Variants in TMEM230 observed in about 807,000 individuals in gnomAD.
TMEM230 encodes the protein UPF0414 transmembrane protein C20orf30.
In TMEM230, 10 loss-of-function variants were observed where a neutral mutation model predicts 15.8. The ratio of observed to expected loss-of-function variants is 0.63; its 90% CI spans 0.39 to 1.07. The LOEUF is 1.07. Ranked by LOEUF, TMEM230 falls within the 50% of genes least tolerant of loss-of-function variation. The pLI, the probability that TMEM230 is intolerant of heterozygous loss-of-function variation, is 0.01. For synonymous variants in TMEM230, 67 were observed against 76.9 expected (o/e 0.87, Z 0.68); for missense variants, 165 against 193.3 (o/e 0.85, Z 0.87).
intron 4 of TMEM230, among the ~76,000 whole-genome samples, chr20:5,105,382 A>G (rs2090032718): frequency 6.6e-6 from 1 of 151,872 alleles, no homozygotes; most frequent in South Asian, 2.1e-4. Context: ...TAATCCCAAC[A>G]CTTTGGGAGG....
chr20:5,105,795 T>C (rs1050297320), intron 4 of TMEM230, among the ~76,000 whole-genome samples: 1 of 151,540 alleles, frequency 6.6e-6, no homozygotes, highest in African/African-American at 2.4e-5. Flanking sequence ...TCCCAGCACT[T>C]TGGAAGGCTG....
intron 3 of TMEM230, chr20:5,109,099 C>G: frequency 2.7e-6 from 1 of 366,318 alleles, no homozygotes; most frequent in Non-Finnish European, 4.9e-6. Context: ...CTACAAGGCT[C>G]TCGCATTACA....
Position 5,100,877 on chromosome 20 carries a change from C to G in TMEM230, c.466G>C (p.Gly156Arg), listed in dbSNP as rs1401257234. 1 of 1,614,062 alleles carries G rather than the reference C, an allele frequency of 6.2e-7. No individual in the cohort carries two copies. The highest frequency in any genetic ancestry group is 8.5e-7 in the Non-Finnish European group (1 of 1,180,030). The stretch of plus-strand genomic sequence containing the variant: ...TAAGCGATGCGCAGGTGGTAAAATC[C>G]GGGTAGGAACACCAGAATGCCAATG... The change falls in exon 5 of 5, where the codon GGA (glycine) becomes CGA (arginine). Residue 156 changes from glycine to arginine, a missense_variant. Coordinates refer to ENST00000342308, the MANE Select transcript of TMEM230 (RefSeq NM_001009923.2).
chr20:5,101,267 A>G (rs1024098117), intron 4 of TMEM230, among the ~76,000 whole-genome samples: 5 of 152,224 alleles, frequency 3.3e-5, no homozygotes, highest in African/African-American at 1.2e-4. Context: ...AAGGATGTGT[A>G]ACATTCCACC....
chr20:5,074,822 T>A (rs772014412), intron 3 of TMEM230, among the ~76,000 whole-genome samples: 5 of 151,738 alleles, frequency 3.3e-5, no homozygotes, highest in Admixed American at 6.6e-5. Context: ...TTAAAAAAAA[T>A]TTTATTTTTA....
chr20:5,062,178 C>T, the TMEM230 span, among the ~76,000 whole-genome samples: 2 of 151,060 alleles, frequency 1.3e-5, no homozygotes, highest in East Asian at 3.9e-4. Flanking sequence ...GCCGAGATCG[C>T]ACCATTGCAC....
the TMEM230 span, among the ~76,000 whole-genome samples, chr20:5,062,231 GA>G: frequency 0.13 from 18,540 of 139,516 alleles, 1,387 homozygotes; most frequent in African/African-American, 0.21. Flanking sequence ...TCAAAAAAAA[GA>G]AAAAAAAAAA....
chr20:5,108,651 G>A (rs2090188223), intron 3 of TMEM230, among the ~76,000 whole-genome samples: 1 of 152,118 alleles, frequency 6.6e-6, no homozygotes, highest in South Asian at 2.1e-4. Flanking sequence ...TGGGTCCAAA[G>A]AGTAATTTAT....
downstream of TMEM230, among the ~76,000 whole-genome samples, chr20:5,063,395 C>G (rs2088624741): frequency 7.1e-6 from 1 of 141,508 alleles, no homozygotes; most frequent in Non-Finnish European, 1.5e-5. Context: ...TCAAGCAATT[C>G]TCCTGCCTCA....
intron 3 of TMEM230, among the ~76,000 whole-genome samples, chr20:5,087,047 A>AT (rs1364164201): frequency 2.0e-5 from 3 of 151,712 alleles, no homozygotes; most frequent in South Asian, 4.2e-4. Flanking sequence ...CTAATTTTTG[A>AT]TTTTTTTGTA....
At chr20:5,105,214 A>G (rs1355584109) in intron 4 of TMEM230, among the ~76,000 whole-genome samples, 2 of 152,186 alleles carry the variant, frequency 1.3e-5, no homozygotes, top group Non-Finnish European at 2.9e-5. Flanking sequence ...TGAACCCACG[A>G]GCCGGAGTTT....
chr20:5,086,768 C>T (rs1039741284), intron 3 of TMEM230, among the ~76,000 whole-genome samples: 2 of 151,500 alleles, frequency 1.3e-5, no homozygotes, highest in Non-Finnish European at 2.9e-5. Context: ...GGCACAATCA[C>T]AACTCACTGT....
At chr20:5,092,456 G>C (rs1398604587) in intron 3 of TMEM230, among the ~76,000 whole-genome samples, 1 of 152,090 alleles carries the variant, frequency 6.6e-6, no homozygotes, top group African/African-American at 2.4e-5. Context: ...GGTGGCTCAC[G>C]CCTGTAATCC....
chr20:5,106,040 G>C, intron 4 of TMEM230, 148 bp downstream of exon 3: 10 of 1,248,714 alleles, frequency 8.0e-6, no homozygotes, highest in Non-Finnish European at 1.1e-5. Flanking sequence ...GACAGAGCAA[G>C]ACCCTGTCTC....
At chr20:5,080,410 A>T (rs576176808) in intron 3 of TMEM230, among the ~76,000 whole-genome samples, 1 of 152,298 alleles carries the variant, frequency 6.6e-6, no homozygotes, top group Non-Finnish European at 1.5e-5. Flanking sequence ...AACTGATACA[A>T]TTTAATTTCT....
chr20:5,082,996 C>T (rs1354536623), intron 3 of TMEM230, among the ~76,000 whole-genome samples: 1 of 149,058 alleles, frequency 6.7e-6, no homozygotes, highest in African/African-American at 2.5e-5. Context: ...GGCGCGATCT[C>T]GGCTCATTGC....
exon 4 of TMEM230, chr20:5,068,668 G>A (rs1568476858): frequency 6.6e-6 from 1 of 152,606 alleles, no homozygotes; most frequent in East Asian, 1.9e-4. Context: ...AATTCAAAGT[G>A]AGATTCGGGT....
intron 3 of TMEM230, among the ~76,000 whole-genome samples, chr20:5,078,580 G>C (rs2089076089): frequency 6.6e-6 from 1 of 152,138 alleles, no homozygotes; most frequent in Non-Finnish European, 1.5e-5. Flanking sequence ...GTTCATTATG[G>C]GTCAACGCGG....
At chr20:5,099,228 AAATAAATC>A (rs1382422378), downstream of TMEM230, among the ~76,000 whole-genome samples, 17 of 91,288 alleles carry the variant, frequency 1.9e-4, no homozygotes, top group South Asian at 7.5e-4. Flanking sequence ...ATAAATAAAT[AAATAAATC>A]AATCAATCAA....
Sources: allele counts gnomAD v4.1 joint callset (sites outside exome capture counted in the v4.1 genomes callset), GRCh38; gene constraint gnomAD v4.1.1; transcripts MANE v1.5; gene names NCBI Gene and HGNC (gene_info 2026-07-23, HGNC 2026-07-21).